Variants in DHX36 observed in about 807,000 individuals in gnomAD.
DHX36 encodes ATP-dependent DNA/RNA helicase DHX36.
Under a neutral mutation model 139.0 loss-of-function variants are expected in DHX36, and 50 were observed. The observed-to-expected ratio is 0.36, with a 90% CI of 0.29 to 0.46. The LOEUF (loss-of-function observed/expected upper bound fraction) is 0.46, where lower values mean the gene tolerates loss of function less well. Ranked by LOEUF, DHX36 falls within the 20% of genes least tolerant of loss-of-function variation. DHX36 has a pLI of 1.00. For missense variants in DHX36, 1,024 were observed against 1,211.3 expected (o/e 0.85, Z 2.29); for synonymous variants, 425 against 401.9 (o/e 1.06, Z -0.69).
At position 154,293,799 on chromosome 3, in the gene DHX36, G is replaced by T. The variant is rs766565110; in HGVS notation, c.1619C>A (p.Thr540Asn). The change falls in exon 14 of 25, where the codon ACC becomes AAC. Residue 540 changes from threonine (T) to asparagine (N), a missense_variant. Thr to Asn is a moderately conservative substitution (Grantham distance 65). This residue lies in a region of DHX36 where 470 missense variants were observed against 616.2 expected (regional missense o/e 0.76). Transcript: ENST00000496811. ...TVNQTQVFKR[T>N]PPGVRKIVIA... ...TACTATTTTCCGAACACCAGGAGGG[G>T]TTCTTTTAAACACCTGTAAAAATAA... is the stretch of plus-strand genomic sequence containing the variant. The T allele has an allele frequency of 3.7e-6, 6 of 1,612,180 alleles. No homozygotes were observed. In the African/African-American group the frequency reaches 6.7e-5, roughly 18 times the overall value.
intron 8 of DHX36, among the ~76,000 whole-genome samples, chr3:154,304,229 A>G (rs962004363): frequency 5.3e-5 from 8 of 152,154 alleles, no homozygotes; most frequent in Admixed American, 6.6e-5. Context: ...CTTCCTTCAC[A>G]AGTATAAGCA....
At position 154,274,090 on chromosome 3, in the gene DHX36, T is replaced by A. The variant is rs1046931527; in HGVS notation, c.*2081A>T. On this transcript the variant is annotated 3_prime_UTR_variant, in exon 25 of 25. Transcript: ENST00000496811. ...GGGAAGCCAAGGCGGGCAGACTGCT[T>A]GAGCACAGGAGTTTTGAGACCAGCC... is the stretch of plus-strand genomic sequence containing the variant. The A allele has an allele frequency of 6.6e-6, 1 of 152,658 alleles. No homozygotes were observed. 9.5% of individuals were successfully genotyped at this position (152,658 alleles called of 1,614,324 possible).
At chr3:154,309,067 A>G (rs2108358951) in intron 5 of DHX36, among the ~76,000 whole-genome samples, 1 of 152,212 alleles carries the variant, frequency 6.6e-6, no homozygotes, top group South Asian at 2.1e-4. Flanking sequence ...ACATGCCTAT[A>G]GTACCACCTA....
At position 154,276,086 on chromosome 3, in the gene DHX36, C is replaced by A; in HGVS notation, c.*85G>T. The stretch of plus-strand genomic sequence containing the variant: ...CCTTACACATGAAAATTGTTCATGT[C>A]CCAGGGTTTGGCATCCAGCCAAAAT... On this transcript the variant is annotated 3_prime_UTR_variant, in exon 25 of 25. Transcript: ENST00000496811. 1 of 1,372,890 alleles carries A rather than the reference C, an allele frequency of 7.3e-7. No individual in the cohort carries two copies. Among genetic ancestry groups the A allele is most frequent in the South Asian group, 1.4e-5 (1 of 72,194 alleles). 85.0% of individuals were successfully genotyped at this position (1,372,890 alleles called of 1,614,324 possible).
intron 6 of DHX36, 122 bp from the exon 7 acceptor site, chr3:154,305,290 A>G: frequency 1.2e-6 from 1 of 805,018 alleles, no homozygotes; most frequent in Non-Finnish European, 1.9e-6. Context: ...TTCACACTTA[A>G]TTTTTTACTT....
At chr3:154,286,754 T>C (rs1314508471) in intron 17 of DHX36, among the ~76,000 whole-genome samples, 1 of 150,464 alleles carries the variant, frequency 6.6e-6, no homozygotes, top group Admixed American at 6.6e-5. Context: ...GATTCTCAAA[T>C]GTATTTGGAA....
In DHX36 at chr3:154,315,091, T is replaced by C. The variant is rs1307183776; in HGVS notation, c.558A>G (p.Glu186=). The change falls in exon 3 of 25, where the codon GAA becomes GAG. Residue 186 remains glutamate (E), a synonymous_variant. Transcript: ENST00000496811. ...GGTCATTTTTTTTCTTTTGTAAATCTTCCAATAATTTTTGGTCTAAAGTTC... is the reference window on the plus strand; with the variant it reads ...GGTCATTTTTTTTCTTTTGTAAATCCTCCAATAATTTTTGGTCTAAAGTTC... The part of the protein sequence containing the change: ...PDGTLDQKLL[E]DLQKKKNDLR... 1.2e-6 allele frequency: 2 copies of C among 1,611,472 alleles called. No individual in the cohort carries two copies. The highest frequency in any genetic ancestry group is 1.7e-5 in the Admixed American group (1 of 59,602).
intron 12 of DHX36, among the ~76,000 whole-genome samples, chr3:154,295,741 G>A (rs913539496): frequency 1.3e-5 from 2 of 152,136 alleles, no homozygotes; most frequent in Non-Finnish European, 2.9e-5. Context: ...CAACAATTCT[G>A]TTTAACATGA....
In DHX36 at chr3:154,283,275, T is replaced by TG. The variant is rs753060270; in HGVS notation, c.2293-5dup. 17 of 1,603,384 alleles carry TG rather than the reference T, an allele frequency of 1.1e-5. No homozygotes were observed. The South Asian group carries it at 1.8e-4, about 17-fold the overall frequency. ...GTCGCCTAGCCTCTTCCCAGCCCTA[T>TG]GGGGCAAAGAAATGAAGAAATCTAT... On this transcript the variant is annotated splice_polypyrimidine_tract_variant and splice_region_variant and intron_variant, in intron 19 of 24. Coordinates refer to ENST00000496811, the MANE Select transcript of DHX36 (RefSeq NM_020865.3).
chr3:154,301,623 C>T (rs1712284208), intron 9 of DHX36, among the ~76,000 whole-genome samples: 1 of 151,950 alleles, frequency 6.6e-6, no homozygotes, highest in Non-Finnish European at 1.5e-5. Flanking sequence ...ATCTACAGAC[C>T]CACGCTAGAG....
Position 154,315,281 on chromosome 3 carries a change from CTGTTT to C in DHX36, c.369-6_369-2del. ...CTTAGTAGAAACTTCAGTACCGTAT[CTGTTT>C]TGACAAAATAAGAAAGGAAGAAAGG... On this transcript the variant is annotated splice_acceptor_variant and splice_polypyrimidine_tract_variant and intron_variant, in intron 2 of 24. Transcript: ENST00000496811. LOFTEE classifies it high-confidence loss of function. 6.2e-7 allele frequency: 1 copy of C among 1,601,368 alleles called. No individual in the cohort carries two copies. The highest frequency in any genetic ancestry group is 8.5e-7 in the Non-Finnish European group (1 of 1,174,596).
rs561199138 is a variant in DHX36 at position 154,292,448 on chromosome 3, G to A, written c.1814+103C>T. ...TTTTGCAATAAGCTCAAAATAATAA[G>A]AAAGGTAACTCTTTTAATAAATATC... is the stretch of plus-strand genomic sequence containing the variant. On this transcript the variant is annotated intron_variant, in intron 15 of 24. Transcript: ENST00000496811. 11,993 of 1,464,866 alleles carry A rather than the reference G, an allele frequency of 8.2e-3. 72 individuals are homozygous for A. Among genetic ancestry groups the A allele is most frequent in the Non-Finnish European group, 9.9e-3 (10,555 of 1,069,228 alleles). 90.7% of individuals were successfully genotyped at this position (1,464,866 alleles called of 1,614,324 possible).
chr3:154,301,216 A>G lies in DHX36; in HGVS notation c.1218-89T>C. 6 of 1,298,950 alleles carry G rather than the reference A, an allele frequency of 4.6e-6. No homozygotes were observed. The South Asian group carries it at 9.0e-5, about 19-fold the overall frequency. The allele number at this position is 1,298,950 out of a possible 1,614,324, so 80.5% of individuals were successfully genotyped here. Reference sequence around the variant, plus strand: ...TGACATTTTATATTTAGGATTTTCAAAAAGGATTCCAAAGAACATTTTCAT... The same window carrying G: ...TGACATTTTATATTTAGGATTTTCAGAAAGGATTCCAAAGAACATTTTCAT... On this transcript the variant is annotated intron_variant, in intron 9 of 24. Transcript: ENST00000496811.
intron 22 of DHX36, chr3:154,279,875 A>G (rs1450500900): frequency 1.3e-5 from 2 of 152,158 alleles, no homozygotes; most frequent in East Asian, 1.9e-4. Context: ...TAAAACCACA[A>G]TTTTCCCATG....
chr3:154,295,249 G>C (rs1353282305), intron 13 of DHX36, 35 bp downstream of exon 13: 6 of 1,369,328 alleles, frequency 4.4e-6, no homozygotes, highest in Non-Finnish European at 6.0e-6. Context: ...GCCTCAGTTT[G>C]AAATACATTT....
intron 4 of DHX36, among the ~76,000 whole-genome samples, chr3:154,310,816 T>TGTATATAC: frequency 8.8e-5 from 2 of 22,852 alleles, no homozygotes; most frequent in African/African-American, 4.1e-4. Flanking sequence ...AATATATATA[T>TGTATATAC]ATATATATAT....
Position 154,277,731 on chromosome 3 carries a change from T to G in DHX36, c.2568-13A>C. 1 of 1,587,486 alleles carries G rather than the reference T, an allele frequency of 6.3e-7. No individual in the cohort carries two copies. The highest frequency in any genetic ancestry group is 1.2e-5 in the South Asian group (1 of 85,864). On this transcript the variant is annotated splice_polypyrimidine_tract_variant and intron_variant, in intron 22 of 24. Coordinates refer to ENST00000496811, the MANE Select transcript of DHX36 (RefSeq NM_020865.3). ...GTAAACTTTTACCCTTTAAAAAAAGTTAAAATGCAGTTTGTTAAAAAGAAG... is the reference window on the plus strand; with the variant it reads ...GTAAACTTTTACCCTTTAAAAAAAGGTAAAATGCAGTTTGTTAAAAAGAAG...
At chr3:154,288,413 T>C (rs1291430817) in intron 17 of DHX36, among the ~76,000 whole-genome samples, 8 of 151,960 alleles carry the variant, frequency 5.3e-5, no homozygotes, top group Admixed American at 3.9e-4. Flanking sequence ...TTATCTATCA[T>C]GATTGGGATT....
chr3:154,292,233 A>G (rs1425171607), intron 15 of DHX36, among the ~76,000 whole-genome samples: 1 of 152,198 alleles, frequency 6.6e-6, no homozygotes, highest in Non-Finnish European at 1.5e-5. Flanking sequence ...ATGATCTGAC[A>G]CTCAAAAAGT....
Sources: allele counts gnomAD v4.1 joint callset (sites outside exome capture counted in the v4.1 genomes callset), GRCh38; gene constraint gnomAD v4.1.1; regional missense constraint gnomAD v4.1.1; transcripts MANE v1.5; gene names NCBI Gene and HGNC (gene_info 2026-07-23, HGNC 2026-07-21).